Variants in FAAH2 observed in about 807,000 individuals in gnomAD.
FAAH2 encodes the protein fatty-acid amide hydrolase 2.
FAAH2 carries 60 observed loss-of-function variants against 36.9 expected under a neutral mutation model. The observed-to-expected ratio is 1.63, with a 90% CI of 1.32 to 2.02. The LOEUF (loss-of-function observed/expected upper bound fraction) is 2.02. FAAH2 is among the 30% of genes most tolerant of loss of function. The probability of loss-of-function intolerance (pLI) is 0.00; values close to 1 mark genes in which losing one functional copy is unlikely to be tolerated. For missense variants in FAAH2, 689 were observed against 397.5 expected, an observed-to-expected ratio of 1.73 and a Z score of -6.23; for synonymous variants, 214 against 143.8, an observed-to-expected ratio of 1.49 and a Z score of -3.49.
At chrX:57,151,891 A>G in the FAAH2 span, among the ~76,000 whole-genome samples, 6 of 110,554 alleles carry the variant, frequency 5.4e-5, no homozygotes, top group African/African-American at 2.0e-4. Flanking sequence ...TTGTGGTTTT[A>G]TCTACTTTTG....
At chrX:57,345,505 C>A (rs1056100015) in intron 5 of FAAH2, among the ~76,000 whole-genome samples, 2 of 110,614 alleles carry the variant, frequency 1.8e-5, no homozygotes, top group Non-Finnish European at 3.8e-5. Flanking sequence ...TTTCTGATTG[C>A]ATTTATTTGG....
chrX:57,345,874 C>T (rs1181180399), intron 5 of FAAH2, among the ~76,000 whole-genome samples: 4 of 111,311 alleles, frequency 3.6e-5, no homozygotes, highest in Non-Finnish European at 5.7e-5. Context: ...TTAATTTCAT[C>T]GTTCACCCAA....
chrX:57,468,051 G>A (rs1198288214), intron 10 of FAAH2, among the ~76,000 whole-genome samples: 1 of 111,899 alleles, frequency 8.9e-6, no homozygotes, highest in African/African-American at 3.2e-5. Flanking sequence ...GCTGTTAGAA[G>A]GAAAACTAAC....
Position 57,321,071 on chromosome X carries a change from C to T in FAAH2, c.412+10342C>T, listed in dbSNP as rs181971104. Among the ~76,000 whole-genome samples, 155 of 109,415 alleles carry T rather than the reference C, an allele frequency of 1.4e-3. 1 individual carries two copies. The highest frequency in any genetic ancestry group is 4.9e-3 in the African/African-American group (146 of 29,965). ...AGGAGAATGGCGTGAATCTAGGAGG[C>T]GGAGTTTGCAGTGAGCCCAGATGGT... On this transcript the variant is annotated intron_variant, in intron 3 of 10. Transcript: ENST00000374900.
At chrX:57,380,002 A>G (rs1453328012) in intron 6 of FAAH2, among the ~76,000 whole-genome samples, 3 of 110,604 alleles carry the variant, frequency 2.7e-5, no homozygotes, top group African/African-American at 9.9e-5. Flanking sequence ...TAACAGGTGT[A>G]TATATTTTTG....
intron 5 of FAAH2, among the ~76,000 whole-genome samples, chrX:57,374,124 A>G (rs1329665771): frequency 1.8e-5 from 2 of 111,662 alleles, no homozygotes; most frequent in Admixed American, 1.9e-4. Context: ...ATGGCCTTAT[A>G]GTATAGTTTG....
the FAAH2 span, among the ~76,000 whole-genome samples, chrX:57,159,043 C>T: frequency 8.9e-6 from 1 of 112,320 alleles, no homozygotes; most frequent in Non-Finnish European, 1.9e-5. Context: ...GATCCAGTTT[C>T]AGCTTTCTAC....
chrX:57,470,521 A>C (rs1330800181), intron 10 of FAAH2, among the ~76,000 whole-genome samples: 1 of 111,518 alleles, frequency 9.0e-6, no homozygotes, highest in African/African-American at 3.3e-5. Flanking sequence ...ATTTCTGGAC[A>C]CATACACCCC....
chrX:57,135,848 A>G, the FAAH2 span: 2 of 1,209,754 alleles, frequency 1.7e-6, no homozygotes, highest in East Asian at 3.0e-5. Flanking sequence ...AATCGTAGAC[A>G]TAGATATGGA....
intron 7 of FAAH2, 56 bp from the exon 8 acceptor site, chrX:57,431,862 A>G: frequency 9.9e-7 from 1 of 1,005,389 alleles, no homozygotes; most frequent in Admixed American, 3.1e-5. Context: ...GTCACTCTTC[A>G]GTAGTATCTC....
At chrX:57,259,090 T>C in the FAAH2 span, among the ~76,000 whole-genome samples, 1 of 110,691 alleles carries the variant, frequency 9.0e-6, no homozygotes, top group Non-Finnish European at 1.9e-5. Context: ...CAACAAAAAA[T>C]CAAAAGATAA....
chrX:57,403,949 AC>A (rs1441541286), intron 7 of FAAH2, among the ~76,000 whole-genome samples: 1 of 112,826 alleles, frequency 8.9e-6, no homozygotes, highest in African/African-American at 3.2e-5. Context: ...TTAGTAAGCT[AC>A]CTTTTTGCTT....
chrX:57,241,221 A>T, the FAAH2 span, among the ~76,000 whole-genome samples: 1 of 112,500 alleles, frequency 8.9e-6, no homozygotes, highest in East Asian at 2.8e-4. Flanking sequence ...TAAAGATGTA[A>T]ATGTAAAACC....
At chrX:57,205,797 C>A in the FAAH2 span, among the ~76,000 whole-genome samples, 1 of 111,967 alleles carries the variant, frequency 8.9e-6, no homozygotes, top group African/African-American at 3.2e-5. Flanking sequence ...ATCGAGAATA[C>A]CCATGAAGTC....
intron 7 of FAAH2, among the ~76,000 whole-genome samples, chrX:57,381,359 A>C (rs1381898684): frequency 9.0e-6 from 1 of 111,675 alleles, no homozygotes; most frequent in Admixed American, 9.5e-5. Flanking sequence ...TAATAGAGAC[A>C]ACATTATATA....
At chrX:57,149,134 T>G in the FAAH2 span, among the ~76,000 whole-genome samples, 1 of 111,893 alleles carries the variant, frequency 8.9e-6, no homozygotes, top group Non-Finnish European at 1.9e-5. Flanking sequence ...ATAAGCTTTT[T>G]GATGTGCTGC....
intron 10 of FAAH2, among the ~76,000 whole-genome samples, chrX:57,476,216 A>G (rs1057288160): frequency 9.0e-6 from 1 of 111,481 alleles, no homozygotes; most frequent in Non-Finnish European, 1.9e-5. Flanking sequence ...TTCCCTGGCC[A>G]GAACTTCCAA....
chrX:57,412,589 T>C (rs2055728108), intron 7 of FAAH2, among the ~76,000 whole-genome samples: 1 of 112,347 alleles, frequency 8.9e-6, no homozygotes, highest in South Asian at 3.7e-4. Context: ...TTTCATGGTG[T>C]ATATGTGCCA....
the FAAH2 span, among the ~76,000 whole-genome samples, chrX:57,268,300 T>TA: frequency 9.1e-5 from 10 of 110,249 alleles, no homozygotes; most frequent in Admixed American, 3.9e-4. Context: ...CAAGAATAGA[T>TA]AAAAAAAGAA....
Sources: gnomAD v4.1 joint callset for allele counts (sites outside exome capture counted in the v4.1 genomes callset) on GRCh38, gnomAD v4.1.1 for gene constraint, MANE v1.5 for transcripts, NCBI Gene and HGNC (gene_info 2026-07-23, HGNC 2026-07-21) for gene names.